PRODH2: variants seen among roughly 807,000 people sequenced by gnomAD.
The protein encoded by PRODH2 is proline dehydrogenase 2.
PRODH2 carries 49 observed loss-of-function variants against 51.9 expected under a neutral mutation model. The ratio of observed to expected loss-of-function variants is 0.94; its 90% CI spans 0.75 to 1.20. The LOEUF (loss-of-function observed/expected upper bound fraction) is 1.20. PRODH2 is among the 50% of genes most tolerant of loss of function. The pLI, the probability that PRODH2 is intolerant of heterozygous loss-of-function variation, is 0.00. For synonymous variants in PRODH2, 249 were observed against 260.7 expected (o/e 0.96, Z 0.43); for missense variants, 597 against 610.9 (o/e 0.98, Z 0.24).
In PRODH2 at chr19:35,806,466, T is replaced by A; in HGVS notation, c.965A>T (p.Asp322Val). Reference protein sequence around the residue: ...RAVAQLHGMEDPTQPDYEATS... With the variant: ...RAVAQLHGMEVPTQPDYEATS... ...GGCCTCATAGTCAGGCTGAGTGGGG[T>A]CTTCCATCCCATGGAGCTGGGCCAC... is the stretch of plus-strand genomic sequence containing the variant. Residue 322 changes from aspartate to valine, a missense_variant, in exon 7 of 10, where the codon GAC (aspartate) becomes GTC (valine). Coordinates refer to ENST00000653904, the MANE Select transcript of PRODH2 (RefSeq NM_021232.2). The A allele has an allele frequency of 6.2e-7, 1 of 1,613,838 alleles. No individual in the cohort carries two copies. The highest frequency in any genetic ancestry group is 8.5e-7 in the Non-Finnish European group (1 of 1,179,960).
intron 4 of PRODH2, among the ~76,000 whole-genome samples, chr19:35,808,812 C>CTTT (rs1555755838): frequency 3.0e-5 from 4 of 131,208 alleles, no homozygotes; most frequent in African/African-American, 8.6e-5. Flanking sequence ...TTCCTTCCTT[C>CTTT]TTTTTTTTTT....
rs3030901 is a variant in PRODH2, at chr19:35,806,071, TTTTG to T, written c.1001+355_1001+358del. On this transcript the variant is annotated intron_variant, in intron 7 of 9. Coordinates refer to ENST00000653904, the MANE Select transcript of PRODH2 (RefSeq NM_021232.2). ...ACTGTAAGGATTTCTTTTTGTTTTG[TTTTG>T]TTTGTTTGTTTGTTTGTTTGTTTGT... is the stretch of plus-strand genomic sequence containing the variant. 3.9e-3 allele frequency among the ~76,000 whole-genome samples: 583 copies of T among 150,120 alleles called. 7 individuals are homozygous for T. In the East Asian group the frequency reaches 0.042, roughly 11 times the overall value.
Position 35,812,706 on chromosome 19 carries a change from T to C in PRODH2, c.100A>G (p.Thr34Ala), listed in dbSNP as rs1410264247. ...FDGGAFHLKG[T>A]GELTRALLVL... The stretch of plus-strand genomic sequence containing the variant: ...AGCAAGGCCCGTGTCAGCTCTCCTG[T>C]GCCCTTAAGGTGGAAGGCCCCGCCA... Residue 34 changes from threonine to alanine, a missense_variant, in exon 1 of 10, where the codon ACA (threonine) becomes GCA (alanine). Transcript: ENST00000653904. 2 of 1,611,360 alleles carry C rather than the reference T, an allele frequency of 1.2e-6. No individual in the cohort carries two copies. Among genetic ancestry groups the C allele is most frequent in the Admixed American group, 1.7e-5 (1 of 59,710 alleles).
In PRODH2 at chr19:35,812,067, C is replaced by T. The variant is rs369408185; in HGVS notation, c.511-19G>A. 20 of 1,613,890 alleles carry T rather than the reference C, an allele frequency of 1.2e-5. No individual in the cohort carries two copies. Among genetic ancestry groups the T allele is most frequent in the Admixed American group, 1.2e-4 (7 of 59,988 alleles). On this transcript the variant is annotated intron_variant, in intron 3 of 9. Coordinates refer to ENST00000653904, the MANE Select transcript of PRODH2 (RefSeq NM_021232.2). Reference sequence around the variant, plus strand: ...GCTCCTTCTGAAATGGGGTGGTAGGCGGGGTGGTGAGGGGAGCCCGATGGG... The same window carrying T: ...GCTCCTTCTGAAATGGGGTGGTAGGTGGGGTGGTGAGGGGAGCCCGATGGG...
intron 4 of PRODH2, among the ~76,000 whole-genome samples, chr19:35,809,985 A>AAAAAAAAC (rs1483544871): frequency 1.5e-5 from 2 of 137,848 alleles, no homozygotes; most frequent in African/African-American, 2.8e-5. Context: ...AAAAAAAAAA[A>AAAAAAAAC]CGCTGGGCGT....
At chr19:35,802,068 T>C (rs1301410362) in intron 9 of PRODH2, 123 bp downstream of exon 9, 13 of 866,684 alleles carry the variant, frequency 1.5e-5, no homozygotes, top group Middle Eastern at 3.5e-4. Flanking sequence ...CCACAGACAC[T>C]GGAATGACAG....
At chr19:35,811,079 T>C (rs1189989961) in intron 4 of PRODH2, among the ~76,000 whole-genome samples, 1 of 152,072 alleles carries the variant, frequency 6.6e-6, no homozygotes, top group Non-Finnish European at 1.5e-5. Flanking sequence ...AATAGAGGGA[T>C]AGATATGATT....
chr19:35,803,116 G>A (rs774796222), intron 7 of PRODH2, 38 bp from the exon 8 acceptor site: 104 of 1,439,370 alleles, frequency 7.2e-5, no homozygotes, highest in Non-Finnish European at 8.2e-5. Flanking sequence ...CCTGGTGAGC[G>A]AGGGTCAGGC....
chr19:35,803,380 G>A (rs1038574977), intron 7 of PRODH2, among the ~76,000 whole-genome samples: 5 of 151,894 alleles, frequency 3.3e-5, no homozygotes, highest in Non-Finnish European at 7.4e-5. Flanking sequence ...TCAGCCTCCC[G>A]AGCAGCTGGG....
Position 35,800,205 on chromosome 19 carries a change from C to T in PRODH2, c.1216G>A (p.Val406Met), listed in dbSNP as rs1291114611. 2 of 1,583,636 alleles carry T rather than the reference C, an allele frequency of 1.3e-6. No homozygotes were observed. The highest frequency in any genetic ancestry group is 1.7e-6 in the Non-Finnish European group (2 of 1,165,344). The change falls in exon 10 of 10, where the codon GTG (valine) becomes ATG (methionine). Residue 406 changes from valine to methionine, a missense_variant. Physicochemically the swap from Val to Met is conservative, Grantham distance 21 (BLOSUM62 1). Coordinates refer to ENST00000653904, the MANE Select transcript of PRODH2 (RefSeq NM_021232.2). ...SLALGQAGYV[V>M]YKSIPYGSLE... is the part of the protein sequence containing the mutation. ...GAGCCATAGGGAATGGACTTATACA[C>T]TACATAGCCGGCCTGCCCTGCAGGG...
rs746664469 is a variant in PRODH2 at position 35,812,013 on chromosome 19, G to T, written c.546C>A (p.Ala182=). ...GCCTCTCGGGGCTCAGCTCCAAGGA[G>T]GCTCCTGGCCTTCTGACCCACGAGG... ...ELASWVRRPG[A]SLELSPERLA... is the part of the protein sequence containing the mutation. Residue 182 remains alanine (A), a synonymous_variant, in exon 4 of 10, where the codon GCC becomes GCA. Coordinates refer to ENST00000653904, the MANE Select transcript of PRODH2 (RefSeq NM_021232.2). 11 of 1,614,242 alleles carry T rather than the reference G, an allele frequency of 6.8e-6. No individual in the cohort carries two copies. In the East Asian group the frequency reaches 2.5e-4, roughly 36 times the overall value.
chr19:35,805,262 G>A (rs533409986), intron 7 of PRODH2, among the ~76,000 whole-genome samples: 10 of 152,018 alleles, frequency 6.6e-5, no homozygotes, highest in Non-Finnish European at 1.0e-4. Context: ...TAAAATAATA[G>A]TGCAAATTAT....
intron 4 of PRODH2, among the ~76,000 whole-genome samples, chr19:35,809,397 T>C (rs1972566148): frequency 6.6e-6 from 1 of 152,026 alleles, no homozygotes; most frequent in South Asian, 2.1e-4. Flanking sequence ...TTTTAATTTT[T>C]TTGTAGAGAT....
chr19:35,805,969 C>G (rs926075311), intron 7 of PRODH2, among the ~76,000 whole-genome samples: 1 of 152,082 alleles, frequency 6.6e-6, no homozygotes, highest in Admixed American at 6.6e-5. Context: ...GCCAGTGTGG[C>G]TGTAGTGGAG....
rs747967638 is a variant in PRODH2 at position 35,812,422 on chromosome 19, G to A, written c.309C>T (p.Leu103=). 3 of 1,614,238 alleles carry A rather than the reference G, an allele frequency of 1.9e-6. No homozygotes were observed. The highest frequency in any genetic ancestry group is 1.7e-6 in the Non-Finnish European group (2 of 1,180,040). The change falls in exon 2 of 10, where the codon CTC becomes CTT. Residue 103 remains leucine (L), a synonymous_variant. Coordinates refer to ENST00000653904, the MANE Select transcript of PRODH2 (RefSeq NM_021232.2). ...GCACTGCCAGCAGTGGTCGGAGGCT[G>A]AGGGTCCGCAGCTGCTGCACGCAGC... The part of the protein sequence containing the change: ...VKGCVQQLRT[L]SLRPLLAVPT...
Position 35,812,142 on chromosome 19 carries a change from G to A in PRODH2, c.502C>T (p.Arg168Trp), listed in dbSNP as rs374541588. ...GTCTTTGCACTCCTTACACAGAGCCGAGTACTGGTCAGCGCCGTCACCTTC... is the reference window on the plus strand; with the variant it reads ...GTCTTTGCACTCCTTACACAGAGCCAAGTACTGGTCAGCGCCGTCACCTTC... ...QLKVTALTST[R>W]LCKELASWVR... Residue 168 changes from arginine to tryptophan, a missense_variant, in exon 3 of 10, where the codon CGG becomes TGG. Coordinates refer to ENST00000653904, the MANE Select transcript of PRODH2 (RefSeq NM_021232.2). 52 of 1,614,106 alleles carry A rather than the reference G, an allele frequency of 3.2e-5. No homozygotes were observed. The African/African-American group carries it at 5.1e-4, about 16-fold the overall frequency.
intron 8 of PRODH2, 127 bp from the exon 9 acceptor site, chr19:35,802,403 T>G: frequency 1.2e-6 from 1 of 822,946 alleles, no homozygotes. Context: ...CAATGATACA[T>G]AATAACCAGT....
In PRODH2 at chr19:35,812,436, G is replaced by A; in HGVS notation, c.295C>T (p.Gln99Ter). ...TAEEVKGCVQ[Q>*]LRTLSLRPLL... ...GGTCGGAGGCTGAGGGTCCGCAGCT[G>A]CTGCACGCAGCCCTTCACCTCCTCT... The change falls in exon 2 of 10, where the codon CAG (glutamine) becomes TAG (stop). Residue 99 changes from glutamine (Q) to a stop codon, truncating the protein, a stop_gained. Coordinates refer to ENST00000653904, the MANE Select transcript of PRODH2 (RefSeq NM_021232.2). LOFTEE classifies it high-confidence loss of function. The A allele has an allele frequency of 1.2e-6, 2 of 1,614,236 alleles. No homozygotes were observed. The highest frequency in any genetic ancestry group is 1.7e-5 in the Admixed American group (1 of 60,026).
At chr19:35,801,466 A>AAAAT (rs1171648068) in intron 9 of PRODH2, among the ~76,000 whole-genome samples, 2 of 152,050 alleles carry the variant, frequency 1.3e-5, no homozygotes, top group Non-Finnish European at 2.9e-5. Flanking sequence ...ACTCTGTCTC[A>AAAAT]AAATAAATAA....
Sources: gnomAD v4.1 joint callset for allele counts (sites outside exome capture counted in the v4.1 genomes callset) on GRCh38, gnomAD v4.1.1 for gene constraint, MANE v1.5 for transcripts, NCBI Gene and HGNC (gene_info 2026-07-23, HGNC 2026-07-21) for gene names.